DACH2: variants seen among roughly 807,000 people sequenced by gnomAD.
DACH2 encodes the protein dachshund family transcription factor 2.
DACH2 carries 17 observed loss-of-function variants against 35.8 expected under a neutral mutation model. The ratio of observed to expected loss-of-function variants is 0.48; its 90% CI spans 0.33 to 0.71. The LOEUF is 0.71. DACH2 is among the 30% of genes least tolerant of loss of function. The pLI, the probability that DACH2 is intolerant of heterozygous loss-of-function variation, is 0.02. For missense variants in DACH2, 469 were observed against 472.7 expected, an observed-to-expected ratio of 0.99 and a Z score of 0.07; for synonymous variants, 195 against 177.3, an observed-to-expected ratio of 1.10 and a Z score of -0.79.
chrX:86,371,186 G>GTA (rs1466336638), intron 1 of DACH2, among the ~76,000 whole-genome samples: 1 of 109,984 alleles, frequency 9.1e-6, no homozygotes, highest in Non-Finnish European at 1.9e-5. Flanking sequence ...ATACAAGAGT[G>GTA]TATATATATA....
chrX:86,612,440 G>A (rs1457742025), intron 3 of DACH2, among the ~76,000 whole-genome samples: 2 of 110,694 alleles, frequency 1.8e-5, no homozygotes, highest in Non-Finnish European at 3.8e-5. Context: ...AGTCCTTGTG[G>A]CCTAAACTGC....
intron 3 of DACH2, among the ~76,000 whole-genome samples, chrX:86,564,055 C>A (rs2039262688): frequency 9.0e-6 from 1 of 110,549 alleles, no homozygotes; most frequent in East Asian, 2.8e-4. Flanking sequence ...TCAAGAGCAG[C>A]CAATAAACCT....
intron 1 of DACH2, among the ~76,000 whole-genome samples, chrX:86,187,616 G>A (rs1040327474): frequency 1.8e-5 from 2 of 110,646 alleles, no homozygotes; most frequent in Non-Finnish European, 3.8e-5. Context: ...AGTAGAGACA[G>A]GGTTTCGCCG....
chrX:86,601,457 T>C lies in DACH2; in HGVS notation c.641-49579T>C, dbSNP rs749661887. ...GTAAAAATATTGTTCTAGTCAAGCA[T>C]TGTACACTGAAATAGCTTTTGTTGA... On this transcript the variant is annotated intron_variant, in intron 3 of 11. Transcript: ENST00000373125. Among the ~76,000 whole-genome samples, 87 of 111,691 alleles carry C rather than the reference T, an allele frequency of 7.8e-4. 1 individual carries two copies. The highest frequency in any genetic ancestry group is 1.5e-3 in the Non-Finnish European group (79 of 53,090).
intron 2 of DACH2, among the ~76,000 whole-genome samples, chrX:86,462,197 A>T (rs184985216): frequency 1.5e-4 from 17 of 111,908 alleles, no homozygotes; most frequent in Admixed American, 1.2e-3. Context: ...AACAGATTCA[A>T]CTACAAATAT....
intron 3 of DACH2, among the ~76,000 whole-genome samples, chrX:86,532,005 T>G (rs2038728325): frequency 8.8e-6 from 1 of 113,284 alleles, no homozygotes; most frequent in Admixed American, 9.3e-5. Context: ...TAGGATTTAA[T>G]GACTGCTCAG....
intron 3 of DACH2, among the ~76,000 whole-genome samples, chrX:86,524,996 C>T (rs751725771): frequency 9.0e-6 from 1 of 111,429 alleles, no homozygotes; most frequent in African/African-American, 3.3e-5. Context: ...CTCATTTGAT[C>T]CTCTCAGCAA....
intron 7 of DACH2, among the ~76,000 whole-genome samples, chrX:86,753,892 T>C (rs2041800258): frequency 9.2e-6 from 1 of 108,837 alleles, no homozygotes; most frequent in African/African-American, 3.3e-5. Context: ...TTGATCTCTC[T>C]ACCTGTATTT....
At chrX:86,656,278 A>G (rs1267411170) in intron 4 of DACH2, among the ~76,000 whole-genome samples, 1 of 110,828 alleles carries the variant, frequency 9.0e-6, no homozygotes, top group African/African-American at 3.3e-5. Flanking sequence ...ACTATAAAGC[A>G]CCTGTTGATT....
At chrX:86,458,859 G>A (rs901807447) in intron 2 of DACH2, among the ~76,000 whole-genome samples, 2 of 110,547 alleles carry the variant, frequency 1.8e-5, no homozygotes. Flanking sequence ...ATCACATACT[G>A]TGGCCTGTCA....
chrX:86,303,709 G>A (rs2148015484), intron 1 of DACH2, among the ~76,000 whole-genome samples: 1 of 93,239 alleles, frequency 1.1e-5, no homozygotes, highest in South Asian at 6.7e-4. Context: ...AAGCACATAT[G>A]TATAATTATG....
chrX:86,420,590 C>T lies in DACH2; in HGVS notation c.527+43728C>T, dbSNP rs141376599. On this transcript the variant is annotated intron_variant, in intron 2 of 11. Transcript: ENST00000373125. ...AAAAACCGAACCTGTCATATTTTCCCAGCGGCTTACTTTTACGGTATAATT... is the reference window on the plus strand; with the variant it reads ...AAAAACCGAACCTGTCATATTTTCCTAGCGGCTTACTTTTACGGTATAATT... 3.6e-3 allele frequency among the ~76,000 whole-genome samples: 396 copies of T among 111,422 alleles called. 2 individuals carry two copies. Among genetic ancestry groups the T allele is most frequent in the Middle Eastern group, 0.014 (3 of 217 alleles).
At chrX:86,690,095 C>G (rs2040992269) in intron 4 of DACH2, among the ~76,000 whole-genome samples, 1 of 111,898 alleles carries the variant, frequency 8.9e-6, no homozygotes, top group African/African-American at 3.2e-5. Context: ...TGTCTTGATT[C>G]TCTTCAGTGA....
chrX:86,485,728 A>AAACTCTTG lies in DACH2; in HGVS notation c.528-28549_528-28542dup, dbSNP rs2038009792. ...TGCCTATAAGTGATAAATATAAAAA[A>AAACTCTTG]AACTCTTGATCAGTAATGAATTATG... On this transcript the variant is annotated intron_variant, in intron 2 of 11. Coordinates refer to ENST00000373125, the MANE Select transcript of DACH2 (RefSeq NM_053281.3). 2.7e-5 allele frequency among the ~76,000 whole-genome samples: 3 copies of AAACTCTTG among 111,647 alleles called. No homozygotes were observed. In the South Asian group the frequency reaches 1.1e-3, roughly 41 times the overall value.
At chrX:86,823,060 C>T (rs368055299) in intron 11 of DACH2, among the ~76,000 whole-genome samples, 2 of 111,026 alleles carry the variant, frequency 1.8e-5, no homozygotes, top group East Asian at 2.8e-4. Context: ...TCAAGCGATT[C>T]TTCTGCCTCC....
chrX:86,401,256 G>A (rs1324151140), intron 2 of DACH2, among the ~76,000 whole-genome samples: 2 of 112,112 alleles, frequency 1.8e-5, no homozygotes, highest in African/African-American at 3.2e-5. Flanking sequence ...GGAGTGACCC[G>A]ATTTTCCAGG....
At chrX:86,636,924 C>A (rs1258467115) in intron 3 of DACH2, among the ~76,000 whole-genome samples, 1 of 105,664 alleles carries the variant, frequency 9.5e-6, no homozygotes, top group African/African-American at 3.5e-5. Context: ...AAACACATAA[C>A]CTACAGAATG....
chrX:86,200,489 A>G (rs1263744112), intron 1 of DACH2, among the ~76,000 whole-genome samples: 1 of 110,852 alleles, frequency 9.0e-6, no homozygotes, highest in African/African-American at 3.3e-5. Flanking sequence ...GAGTAAACAG[A>G]GAACATACAG....
At chrX:86,742,934 T>C (rs571007611) in intron 7 of DACH2, among the ~76,000 whole-genome samples, 12 of 111,266 alleles carry the variant, frequency 1.1e-4, no homozygotes, top group African/African-American at 3.9e-4. Flanking sequence ...CGCCTGAAAT[T>C]TTTCTGTGCA....
Sources: allele counts gnomAD v4.1 joint callset (sites outside exome capture counted in the v4.1 genomes callset), GRCh38; gene constraint gnomAD v4.1.1; transcripts MANE v1.5; gene names NCBI Gene and HGNC (gene_info 2026-07-23, HGNC 2026-07-21).